Variants in ERCC5 observed in about 807,000 individuals in gnomAD.
ERCC5 encodes ERCC excision repair 5, endonuclease, also known as DNA excision repair protein ERCC-5.
ERCC5 carries 68 observed loss-of-function variants against 105.6 expected under a neutral mutation model. The ratio of observed to expected loss-of-function variants is 0.64; its 90% CI spans 0.53 to 0.79. The LOEUF (loss-of-function observed/expected upper bound fraction) is 0.79. Ranked by LOEUF, ERCC5 falls within the 30% of genes least tolerant of loss-of-function variation. The probability of loss-of-function intolerance (pLI) is 0.00; values close to 1 mark genes in which losing one functional copy is unlikely to be tolerated. For synonymous variants in ERCC5, 546 were observed against 526.2 expected, an observed-to-expected ratio of 1.04 and a Z score of -0.51; for missense variants, 1,373 against 1,426.7, an observed-to-expected ratio of 0.96 and a Z score of 0.61.
Position 102,865,521 on chromosome 13 carries a change from G to A in ERCC5, c.1955-146G>A, listed in dbSNP as rs925289136. 51 of 1,091,592 alleles carry A rather than the reference G, an allele frequency of 4.7e-5. No individual in the cohort carries two copies. In the African/African-American group the frequency reaches 6.0e-4, roughly 13 times the overall value. The allele number at this position is 1,091,592 out of a possible 1,614,324, so 67.6% of individuals were successfully genotyped here. A position where few individuals can be genotyped will look rare whatever the true frequency, so the allele number is the denominator to read the frequency against. ...GTGATTACATTTATTTATTAATAAC[G>A]CTACTATTACATGTATTCTGTTATA... On this transcript the variant is annotated intron_variant, in intron 8 of 14. Transcript: ENST00000652225. This position sits in a 1 kb window ranked among gnomAD's most constrained non-coding sequence, Gnocchi z 4.0.
Position 102,851,835 on chromosome 13 carries a change from A to AT in ERCC5, c.89-274dup, listed in dbSNP as rs34587921. On this transcript the variant is annotated intron_variant, in intron 1 of 14. Transcript: ENST00000652225. ...CATGAAAATTCTTTAGCAATCACTT[A>AT]TTTTTTTTTAAAGAAGCAATTCTTT... Among the ~76,000 whole-genome samples, 88,089 of 151,208 alleles carry AT rather than the reference A, an allele frequency of 0.58. 26,383 individuals are homozygous for AT. Among genetic ancestry groups the AT allele is most frequent in the African/African-American group, 0.66 (27,329 of 41,212 alleles).
intron 3 of ERCC5, 148 bp downstream of exon 3, chr13:102,854,020 C>A: frequency 2.5e-6 from 2 of 806,270 alleles, no homozygotes; most frequent in Non-Finnish European, 2.0e-6. Flanking sequence ...CCATTTTGAC[C>A]TGGTAATTTG....
intron 14 of ERCC5, among the ~76,000 whole-genome samples, chr13:102,873,734 A>G (rs995442162): frequency 9.9e-5 from 15 of 152,180 alleles, no homozygotes; most frequent in Non-Finnish European, 1.8e-4. Flanking sequence ...AATTCTATAA[A>G]CGAATCTTGA....
Position 102,861,618 on chromosome 13 carries a change from A to C in ERCC5, c.784A>C (p.Ile262Leu). ...AATGAATCAGCAACATTCAGGACACATCCGAAGGCAGTATGAAGATGAAGG... is the reference window on the plus strand; with the variant it reads ...AATGAATCAGCAACATTCAGGACACCTCCGAAGGCAGTATGAAGATGAAGG... ...KEMNQQHSGH[I>L]RRQYEDEGGF... The change falls in exon 7 of 15, where the codon ATC becomes CTC. Residue 262 changes from isoleucine (I) to leucine (L), a missense_variant. Ile to Leu is a conservative substitution (Grantham distance 5). Coordinates refer to ENST00000652225, the MANE Select transcript of ERCC5 (RefSeq NM_000123.4). The C allele has an allele frequency of 6.2e-7, 1 of 1,614,178 alleles. No individual in the cohort carries two copies. Among genetic ancestry groups the C allele is most frequent in the Non-Finnish European group, 8.5e-7 (1 of 1,180,018 alleles).
chr13:102,870,666 A>G (rs1255315806), intron 12 of ERCC5, among the ~76,000 whole-genome samples: 1 of 152,230 alleles, frequency 6.6e-6, no homozygotes, highest in Non-Finnish European at 1.5e-5. Flanking sequence ...GAATGTTGTA[A>G]AAGTAATGAA....
At chr13:102,849,982 C>T (rs7333684) in intron 1 of ERCC5, among the ~76,000 whole-genome samples, 4 of 151,354 alleles carry the variant, frequency 2.6e-5, no homozygotes, top group East Asian at 1.9e-4. Flanking sequence ...CCCTCTGTTA[C>T]GCAGGCTCGA....
intron 12 of ERCC5, among the ~76,000 whole-genome samples, chr13:102,869,825 A>AT (rs1882975317): frequency 6.6e-6 from 1 of 152,142 alleles, no homozygotes; most frequent in African/African-American, 2.4e-5. Context: ...TTGAGAGTGA[A>AT]TTTTTTATGT....
At chr13:102,858,095 C>T (rs1188391866) in intron 5 of ERCC5, among the ~76,000 whole-genome samples, 180 bp from the exon 6 acceptor site, 1 of 152,182 alleles carries the variant, frequency 6.6e-6, no homozygotes, top group Non-Finnish European at 1.5e-5. Flanking sequence ...TGAATGGCTA[C>T]ATTCCCTAAT....
intron 2 of ERCC5, among the ~76,000 whole-genome samples, chr13:102,852,848 G>A (rs1051887096): frequency 2.0e-5 from 3 of 152,074 alleles, no homozygotes; most frequent in African/African-American, 7.2e-5. Flanking sequence ...AATGTTTTTG[G>A]AAGGCCGGGG....
chr13:102,861,761 A>AT, intron 7 of ERCC5, 47 bp downstream of exon 7: 1 of 1,605,156 alleles, frequency 6.2e-7, no homozygotes, highest in Non-Finnish European at 8.5e-7. Flanking sequence ...AATCAAAGAT[A>AT]TATCATGACT....
chr13:102,861,891 T>C, intron 7 of ERCC5, 139 bp from the exon 8 acceptor site: 7 of 1,369,142 alleles, frequency 5.1e-6, no homozygotes, highest in Non-Finnish European at 7.1e-6. Flanking sequence ...AATTAGCTAA[T>C]GAATTAACTC....
In ERCC5 at chr13:102,862,110, G is replaced by T; in HGVS notation, c.961G>T (p.Val321Leu). 1 of 1,614,202 alleles carries T rather than the reference G, an allele frequency of 6.2e-7. No individual in the cohort carries two copies. The highest frequency in any genetic ancestry group is 1.7e-5 in the Admixed American group (1 of 60,032). The change falls in exon 8 of 15, where the codon GTG becomes TTG. Residue 321 changes from valine to leucine, a missense_variant. By Grantham distance (32) the Val-to-Leu change is conservative. This residue lies in a region of ERCC5 where 1,004 missense variants were observed against 1,059.7 expected (regional missense o/e 0.95). Coordinates refer to ENST00000652225, the MANE Select transcript of ERCC5 (RefSeq NM_000123.4). ...SSKMHGMSFD[V>L]KSSPCEKLKT... ...CAAAATGCACGGCATGTCTTTTGAC[G>T]TGAAGTCATCTCCATGTGAAAAACT...
intron 12 of ERCC5, 107 bp downstream of exon 12, chr13:102,868,364 G>T: frequency 8.5e-6 from 12 of 1,410,884 alleles, no homozygotes; most frequent in Non-Finnish European, 1.1e-5. Flanking sequence ...TGTGAACAAT[G>T]GTTCACTGAG....
chr13:102,873,363 C>T lies in ERCC5; in HGVS notation c.2964+20C>T, dbSNP rs774002962. On this transcript the variant is annotated intron_variant, in intron 14 of 14. Coordinates refer to ENST00000652225, the MANE Select transcript of ERCC5 (RefSeq NM_000123.4). The stretch of plus-strand genomic sequence containing the variant: ...CAGCAGGTAATCATGGTGGACCCTT[C>T]TCCTAAGTTCAGGATGAAGGGTAGG... 1.2e-6 allele frequency: 2 copies of T among 1,613,942 alleles called. No homozygotes were observed. The highest frequency in any genetic ancestry group is 1.7e-6 in the Non-Finnish European group (2 of 1,179,868).
rs1188221374 is a variant in ERCC5 at position 102,861,916 on chromosome 13, A to C, written c.881-114A>C. On this transcript the variant is annotated intron_variant, in intron 7 of 14. Transcript: ENST00000652225. ...TGAATTAACTCCTAGTTGCCGATTA[A>C]ATGAAAATGTATATACTTATTTATG... is the stretch of plus-strand genomic sequence containing the variant. 7 of 1,471,038 alleles carry C rather than the reference A, an allele frequency of 4.8e-6. No individual in the cohort carries two copies. In the Admixed American group the frequency reaches 1.2e-4, roughly 26 times the overall value. 91.1% of individuals were successfully genotyped at this position (1,471,038 alleles called of 1,614,324 possible). A position where few individuals can be genotyped will look rare whatever the true frequency, so the allele number is the denominator to read the frequency against.
chr13:102,855,985 C>A, intron 4 of ERCC5, 67 bp from the exon 5 acceptor site: 1 of 1,493,594 alleles, frequency 6.7e-7, no homozygotes, highest in Non-Finnish European at 9.3e-7. Context: ...CAGAGCCTTG[C>A]ATACAAGTAT....
intron 1 of ERCC5, 101 bp downstream of exon 1, chr13:102,846,455 C>T (rs1364331932): frequency 6.6e-6 from 7 of 1,057,186 alleles, no homozygotes; most frequent in Admixed American, 1.9e-5. Flanking sequence ...GGATGATGGT[C>T]TTGGGTCGGG....
intron 5 of ERCC5, among the ~76,000 whole-genome samples, chr13:102,857,334 T>A (rs1309012857): frequency 6.6e-6 from 1 of 152,190 alleles, no homozygotes; most frequent in Non-Finnish European, 1.5e-5. Context: ...TGTGTGATCT[T>A]ACACAGATTA....
intron 1 of ERCC5, among the ~76,000 whole-genome samples, chr13:102,847,633 A>T (rs1334467067): frequency 1.3e-5 from 2 of 152,228 alleles, no homozygotes; most frequent in African/African-American, 4.8e-5. Flanking sequence ...AAAAGTTTTT[A>T]TACAGGGTAC....
Sources: allele counts gnomAD v4.1 joint callset (sites outside exome capture counted in the v4.1 genomes callset), GRCh38; gene constraint gnomAD v4.1.1; regional missense constraint gnomAD v4.1.1; non-coding constraint Gnocchi (gnomAD v3.1); transcripts MANE v1.5; gene names NCBI Gene and HGNC (gene_info 2026-07-23, HGNC 2026-07-21).